Variants in PPARGC1A observed in about 807,000 individuals in gnomAD.
PPARGC1A encodes the protein PPARG coactivator 1 alpha, also known as peroxisome proliferator-activated receptor gamma coactivator 1-alpha.
Under a neutral mutation model 88.7 loss-of-function variants are expected in PPARGC1A, and 25 were observed. The observed-to-expected ratio is 0.28, with a 90% CI of 0.21 to 0.39. The LOEUF is 0.39. Among genes scored for constraint, PPARGC1A ranks in the 10% least tolerant of loss-of-function variants. The pLI is 1.00. For synonymous variants in PPARGC1A, 363 were observed against 355.6 expected, an observed-to-expected ratio of 1.02 and a Z score of -0.24; for missense variants, 880 against 968.7, an observed-to-expected ratio of 0.91 and a Z score of 1.22.
chr4:24,336,258 G>C, the PPARGC1A span, among the ~76,000 whole-genome samples: 2 of 152,110 alleles, frequency 1.3e-5, no homozygotes. Flanking sequence ...CTGTCACTTA[G>C]GACACACTGA....
chr4:24,319,905 TTCA>T, the PPARGC1A span, among the ~76,000 whole-genome samples: 1 of 152,162 alleles, frequency 6.6e-6, no homozygotes, highest in African/African-American at 2.4e-5. Flanking sequence ...TTCCTTCTTC[TTCA>T]TATTTGTTGC....
chr4:24,079,961 T>C, the PPARGC1A span, among the ~76,000 whole-genome samples: 2 of 152,070 alleles, frequency 1.3e-5, no homozygotes, highest in African/African-American at 4.8e-5. Flanking sequence ...TATAGCACAT[T>C]GCAATGTCTA....
chr4:24,311,078 T>C, the PPARGC1A span, among the ~76,000 whole-genome samples: 3 of 144,800 alleles, frequency 2.1e-5, no homozygotes, highest in Non-Finnish European at 4.5e-5. Flanking sequence ...GTAAGTTATA[T>C]AATAATTCTT....
At chr4:24,136,329 A>G in the PPARGC1A span, among the ~76,000 whole-genome samples, 1 of 152,322 alleles carries the variant, frequency 6.6e-6, no homozygotes, top group Non-Finnish European at 1.5e-5. Context: ...TCTACAATCC[A>G]TGTCCCACAG....
chr4:24,121,835 C>A, the PPARGC1A span, among the ~76,000 whole-genome samples: 1 of 152,140 alleles, frequency 6.6e-6, no homozygotes, highest in Non-Finnish European at 1.5e-5. Flanking sequence ...ATTTTATCTG[C>A]GGCAGTGGTG....
intron 2 of PPARGC1A, among the ~76,000 whole-genome samples, chr4:23,864,730 G>A (rs1010042840): frequency 2.0e-5 from 3 of 152,190 alleles, no homozygotes; most frequent in Admixed American, 6.5e-5. Flanking sequence ...CAAGAAGTTA[G>A]GCAACCTGGT....
the PPARGC1A span, among the ~76,000 whole-genome samples, chr4:24,127,174 G>GT: frequency 6.6e-6 from 1 of 152,040 alleles, no homozygotes; most frequent in African/African-American, 2.4e-5. Context: ...AACCTACTTG[G>GT]TTTTTTGTTT....
chr4:23,990,446 G>A, the PPARGC1A span, among the ~76,000 whole-genome samples: 4 of 151,862 alleles, frequency 2.6e-5, no homozygotes, highest in African/African-American at 9.7e-5. Context: ...AGGCACATTA[G>A]GATAGATTGT....
the PPARGC1A span, among the ~76,000 whole-genome samples, chr4:24,162,960 T>C: frequency 6.6e-6 from 1 of 151,914 alleles, no homozygotes; most frequent in Non-Finnish European, 1.5e-5. Flanking sequence ...TACATTTTCT[T>C]CTAATGACAA....
chr4:24,303,174 T>G, the PPARGC1A span, among the ~76,000 whole-genome samples: 13 of 152,196 alleles, frequency 8.5e-5, no homozygotes, highest in African/African-American at 3.1e-4. Flanking sequence ...AATATTCACT[T>G]TATTTCCAAG....
chr4:23,881,213 C>T (rs1043386503), intron 2 of PPARGC1A: 16 of 152,202 alleles, frequency 1.1e-4, no homozygotes, highest in Non-Finnish European at 1.6e-4. Context: ...GGGACGCATC[C>T]TGTTTTCCTT....
intron 10 of PPARGC1A, among the ~76,000 whole-genome samples, chr4:23,809,135 G>A (rs1224863221): frequency 2.0e-5 from 3 of 152,178 alleles, no homozygotes; most frequent in African/African-American, 4.8e-5. Flanking sequence ...CTTAAGTCTG[G>A]ACTGTCCTTG....
chr4:23,857,306 G>A lies in PPARGC1A; in HGVS notation c.235-25555C>T, dbSNP rs540974002. Among the ~76,000 whole-genome samples, 184 of 149,546 alleles carry A rather than the reference G, an allele frequency of 1.2e-3. 1 individual carries two copies. Among genetic ancestry groups the A allele is most frequent in the African/African-American group, 4.2e-3 (173 of 41,006 alleles). On this transcript the variant is annotated intron_variant, in intron 2 of 12. Coordinates refer to ENST00000264867, the MANE Select transcript of PPARGC1A (RefSeq NM_013261.5). ...GCAGAAACCACAAGATGGAGGACTCGCCTTTGGCAAATAAAGCCAGGGATG... is the reference window on the plus strand; with the variant it reads ...GCAGAAACCACAAGATGGAGGACTCACCTTTGGCAAATAAAGCCAGGGATG...
the PPARGC1A span, among the ~76,000 whole-genome samples, chr4:24,311,500 C>T: frequency 2.1e-3 from 314 of 151,578 alleles, 3 homozygotes; most frequent in Non-Finnish European, 3.2e-3. Context: ...ATTAGCCGGG[C>T]GCAGTGGCAG....
the PPARGC1A span, among the ~76,000 whole-genome samples, chr4:24,274,000 A>C: frequency 6.6e-6 from 1 of 151,406 alleles, no homozygotes; most frequent in Non-Finnish European, 1.5e-5. Context: ...CAACCTCCCA[A>C]AGTGCTGGGA....
chr4:24,027,720 C>T, the PPARGC1A span, among the ~76,000 whole-genome samples: 1 of 152,074 alleles, frequency 6.6e-6, no homozygotes, highest in Non-Finnish European at 1.5e-5. Flanking sequence ...GTACCATGTC[C>T]AACATGTCAC....
At chr4:23,960,796 C>T in the PPARGC1A span, among the ~76,000 whole-genome samples, 1 of 152,038 alleles carries the variant, frequency 6.6e-6, no homozygotes, top group Admixed American at 6.6e-5. Context: ...CCTTAATCTG[C>T]CCAAATTCAT....
chr4:23,942,917 CAA>C, the PPARGC1A span, among the ~76,000 whole-genome samples: 1 of 152,128 alleles, frequency 6.6e-6, no homozygotes, highest in Non-Finnish European at 1.5e-5. Flanking sequence ...TTTCTCAGCA[CAA>C]AAAGTCATGT....
At chr4:23,858,204 C>A (rs1730552797) in intron 2 of PPARGC1A, among the ~76,000 whole-genome samples, 1 of 152,028 alleles carries the variant, frequency 6.6e-6, no homozygotes, top group South Asian at 2.1e-4. Flanking sequence ...CTATTCCAGG[C>A]ACTATACAGG....
Sources: gnomAD v4.1 joint callset for allele counts (sites outside exome capture counted in the v4.1 genomes callset) on GRCh38, gnomAD v4.1.1 for gene constraint, MANE v1.5 for transcripts, NCBI Gene and HGNC (gene_info 2026-07-23, HGNC 2026-07-21) for gene names.